The following WWOX variants were observed in gnomAD, a reference collection of about 807,000 sequenced individuals.
WWOX encodes the protein WW domain containing oxidoreductase.
A neutral mutation model predicts 46.2 loss-of-function variants in WWOX; 69 were observed. The observed-to-expected ratio is 1.49, with a 90% CI of 1.23 to 1.82. The LOEUF is 1.82. WWOX is among the 40% of genes most tolerant of loss of function. WWOX has a pLI of 0.00. For missense variants in WWOX, 919 were observed against 542.6 expected (o/e 1.69, Z -6.89); for synonymous variants, 359 against 202.6 (o/e 1.77, Z -6.56).
intron 8 of WWOX, among the ~76,000 whole-genome samples, chr16:78,823,794 T>A (rs1300798613): frequency 2.6e-5 from 4 of 151,688 alleles, no homozygotes; most frequent in Non-Finnish European, 5.9e-5. Flanking sequence ...TTTTTTTTTT[T>A]AAGACAGAAT....
intron 5 of WWOX, among the ~76,000 whole-genome samples, chr16:78,363,130 C>T (rs576308841): frequency 2.6e-5 from 4 of 152,020 alleles, no homozygotes; most frequent in African/African-American, 9.7e-5. Flanking sequence ...CCAGTGGTCA[C>T]TGTGTGTGTA....
chr16:78,898,871 G>A (rs1231002720), intron 8 of WWOX: 2 of 151,816 alleles, frequency 1.3e-5, no homozygotes, highest in African/African-American at 4.8e-5. Flanking sequence ...ATTTTTTTAT[G>A]CTATTGTAAA....
At chr16:78,648,515 G>A (rs1287711059) in intron 8 of WWOX, among the ~76,000 whole-genome samples, 4 of 152,120 alleles carry the variant, frequency 2.6e-5, no homozygotes, top group African/African-American at 4.8e-5. Context: ...ACAGAATGCC[G>A]ACCCACAAGC....
rs138064029 is a variant in WWOX at position 79,037,870 on chromosome 16, G to A, written c.1057-173738G>A. Among the ~76,000 whole-genome samples, 384 of 152,140 alleles carry A rather than the reference G, an allele frequency of 2.5e-3. 1 individual carries two copies. The highest frequency in any genetic ancestry group is 8.9e-3 in the African/African-American group (371 of 41,518). The stretch of plus-strand genomic sequence containing the variant: ...GCTCCTGCCTGCTCTCTGGGTGGCC[G>A]ACTGTGCCAGTAGAAATGCCAGCTG... On this transcript the variant is annotated intron_variant, in intron 8 of 8. Transcript: ENST00000566780.
intron 8 of WWOX, among the ~76,000 whole-genome samples, chr16:78,797,211 G>C (rs548312192): frequency 1.3e-5 from 2 of 152,028 alleles, no homozygotes; most frequent in African/African-American, 4.8e-5. Flanking sequence ...TAATCCATGA[G>C]AGTGGCTTCT....
intron 8 of WWOX, among the ~76,000 whole-genome samples, chr16:78,546,423 G>T (rs1311645800): frequency 6.6e-6 from 1 of 152,182 alleles, no homozygotes; most frequent in African/African-American, 2.4e-5. Context: ...ACTAGAAAGT[G>T]AGGGCAAGAG....
intron 4 of WWOX, among the ~76,000 whole-genome samples, chr16:78,142,878 A>G (rs2034034812): frequency 6.6e-6 from 1 of 152,250 alleles, no homozygotes; most frequent in African/African-American, 2.4e-5. Context: ...TTAAATTTGA[A>G]CTAAAACACA....
intron 4 of WWOX, among the ~76,000 whole-genome samples, chr16:78,115,582 C>A (rs1431471220): frequency 1.3e-5 from 2 of 152,182 alleles, no homozygotes; most frequent in African/African-American, 4.8e-5. Flanking sequence ...GGTCACTGAG[C>A]ATATCATTTT....
chr16:78,183,672 G>C (rs953640319), intron 5 of WWOX, among the ~76,000 whole-genome samples: 2 of 152,156 alleles, frequency 1.3e-5, no homozygotes, highest in Admixed American at 1.3e-4. Flanking sequence ...TCACTGAGCC[G>C]AAATCTCCTG....
chr16:78,275,516 A>G (rs1333757163), intron 5 of WWOX, among the ~76,000 whole-genome samples: 1 of 152,252 alleles, frequency 6.6e-6, no homozygotes, highest in African/African-American at 2.4e-5. Context: ...TGGCTTCTGC[A>G]TCTCAAAGGA....
intron 8 of WWOX, among the ~76,000 whole-genome samples, chr16:78,439,626 A>G (rs1286463687): frequency 1.3e-5 from 2 of 152,228 alleles, no homozygotes; most frequent in Non-Finnish European, 2.9e-5. Context: ...TTTTAGTTAC[A>G]TAATTTTGAA....
At chr16:78,281,026 A>G (rs556227751) in intron 5 of WWOX, 1 of 152,396 alleles carries the variant, frequency 6.6e-6, no homozygotes, top group South Asian at 2.1e-4. Flanking sequence ...TGGAAATACC[A>G]CTACTAAAAA....
Position 78,370,199 on chromosome 16 carries a change from A to G in WWOX, c.517-16661A>G, listed in dbSNP as rs536419125. Reference sequence around the variant, plus strand: ...AATCTGGGTGCATATCTTTGCTCCAAAAGCAAAGATTGTAAACTCTCTTTA... The same window carrying G: ...AATCTGGGTGCATATCTTTGCTCCAGAAGCAAAGATTGTAAACTCTCTTTA... On this transcript the variant is annotated intron_variant, in intron 5 of 8. Coordinates refer to ENST00000566780, the MANE Select transcript of WWOX (RefSeq NM_016373.4). 2.0e-5 allele frequency among the ~76,000 whole-genome samples: 3 copies of G among 151,298 alleles called. No individual in the cohort carries two copies. In the East Asian group the frequency reaches 5.8e-4, roughly 29 times the overall value.
At chr16:78,681,187 T>G (rs1391093584) in intron 8 of WWOX, among the ~76,000 whole-genome samples, 1 of 152,072 alleles carries the variant, frequency 6.6e-6, no homozygotes, top group Non-Finnish European at 1.5e-5. Flanking sequence ...AGGCGGAGAT[T>G]GCATTGAGCC....
At chr16:78,602,538 C>G (rs909603174) in intron 8 of WWOX, among the ~76,000 whole-genome samples, 1 of 152,022 alleles carries the variant, frequency 6.6e-6, no homozygotes, top group African/African-American at 2.4e-5. Flanking sequence ...GGCCTCTTCT[C>G]GATAGATCTT....
Position 78,981,315 on chromosome 16 carries a change from A to C in WWOX, c.1057-230293A>C, listed in dbSNP as rs563136792. ...AATGATCTTTACGGGAATAACCAAA[A>C]ATGCTGGGTGGGGGGGGAAAACGCC... On this transcript the variant is annotated intron_variant, in intron 8 of 8. Transcript: ENST00000566780. 7.2e-5 allele frequency among the ~76,000 whole-genome samples: 11 copies of C among 152,158 alleles called. No individual in the cohort carries two copies. In the East Asian group the frequency reaches 2.1e-3, roughly 29 times the overall value.
At chr16:78,394,443 A>G (rs1346985326) in intron 6 of WWOX, among the ~76,000 whole-genome samples, 1 of 98,884 alleles carries the variant, frequency 1.0e-5, no homozygotes, top group Non-Finnish European at 2.0e-5. Flanking sequence ...TGAAATACTT[A>G]GTGTATCTAG....
At chr16:78,985,540 G>A (rs1442667927) in intron 8 of WWOX, among the ~76,000 whole-genome samples, 2 of 152,070 alleles carry the variant, frequency 1.3e-5, no homozygotes, top group Non-Finnish European at 2.9e-5. Flanking sequence ...AGGCCAAGGT[G>A]GGAGGATCAC....
intron 8 of WWOX, among the ~76,000 whole-genome samples, chr16:78,985,346 G>T (rs917666813): frequency 2.0e-5 from 3 of 152,222 alleles, no homozygotes; most frequent in Admixed American, 1.3e-4. Flanking sequence ...AGGGTGTTGT[G>T]TTGTCTCCAA....
Sources: allele counts gnomAD v4.1 joint callset (sites outside exome capture counted in the v4.1 genomes callset), GRCh38; gene constraint gnomAD v4.1.1; transcripts MANE v1.5; gene names NCBI Gene and HGNC (gene_info 2026-07-23, HGNC 2026-07-21).